PCDHGB4: variants seen among roughly 807,000 people sequenced by gnomAD.
The protein encoded by PCDHGB4 is protocadherin gamma subfamily B, 4, also known as protocadherin gamma-B4.
A neutral mutation model predicts 60.5 loss-of-function variants in PCDHGB4; 38 were observed. That is an observed-to-expected ratio of 0.63 (90% confidence interval 0.48 to 0.82). The LOEUF is 0.82. PCDHGB4 is among the 40% of genes least tolerant of loss of function. The probability of loss-of-function intolerance (pLI) is 0.00; values close to 1 mark genes in which losing one functional copy is unlikely to be tolerated. For synonymous variants in PCDHGB4, 456 were observed against 509.7 expected (o/e 0.89, Z 1.42); for missense variants, 1,109 against 1,209.6 (o/e 0.92, Z 1.23).
intron 1 of PCDHGB4, chr5:141,408,445 C>T (rs759314379): frequency 2.5e-6 from 4 of 1,613,846 alleles, no homozygotes; most frequent in Admixed American, 1.7e-5. Flanking sequence ...ACGCGGAGAG[C>T]GGGGACTTAC....
intron 1 of PCDHGB4, chr5:141,421,405 C>T (rs2096570069): frequency 6.2e-7 from 1 of 1,614,074 alleles, no homozygotes; most frequent in African/African-American, 1.3e-5. Context: ...GCCCCGGGAG[C>T]TGGCGAAGCG....
rs2093964070 is a variant in PCDHGB4, at chr5:141,400,115, G to A, written c.2397+9834G>A. On this transcript the variant is annotated intron_variant, in intron 1 of 3. Coordinates refer to ENST00000519479, the MANE Select transcript of PCDHGB4 (RefSeq NM_003736.4). ...ACGCTGCACTTGGTCTTTGCTGACA[G>A]CTTGCAGGAGGTGCTGCCGGATATC... The A allele has an allele frequency of 1.9e-6, 3 of 1,613,966 alleles. No individual in the cohort carries two copies. The African/African-American group carries it at 4.0e-5, about 22-fold the overall frequency.
intron 1 of PCDHGB4, chr5:141,422,543 T>A: frequency 3.1e-6 from 5 of 1,614,000 alleles, no homozygotes; most frequent in Non-Finnish European, 4.2e-6. Flanking sequence ...GAAACTCATG[T>A]CTGGCTGAAT....
At chr5:141,494,752 T>G (rs889400984) in intron 1 of PCDHGB4, 55 bp from the exon 2 acceptor site, 6 of 1,612,324 alleles carry the variant, frequency 3.7e-6, no homozygotes, top group East Asian at 2.2e-5. Flanking sequence ...GGGGCTCGGG[T>G]GACATTCTAA....
Position 141,431,154 on chromosome 5 carries a change from A to G in PCDHGB4, c.2397+40873A>G, listed in dbSNP as rs754200786. ...AGGGACATTAACGACAATGCGCCTT[A>G]CTTTCGTGAAAGTGAATTAGAAATA... On this transcript the variant is annotated intron_variant, in intron 1 of 3. Coordinates refer to ENST00000519479, the MANE Select transcript of PCDHGB4 (RefSeq NM_003736.4). The surrounding 1 kb of genome is among the most constrained non-coding windows in gnomAD (Gnocchi z 4.8). 1.1e-5 allele frequency: 18 copies of G among 1,614,136 alleles called. No homozygotes were observed. In the East Asian group the frequency reaches 4.0e-4, roughly 36 times the overall value.
chr5:141,428,176 A>G (rs751446929), intron 1 of PCDHGB4: 21 of 1,507,402 alleles, frequency 1.4e-5, no homozygotes, highest in Non-Finnish European at 1.9e-5. Context: ...TGCGTGACGG[A>G]GGACAGCCGC....
chr5:141,410,569 T>C (rs908906606), intron 1 of PCDHGB4: 1 of 1,612,242 alleles, frequency 6.2e-7, no homozygotes, highest in African/African-American at 1.3e-5. Context: ...GAGCCTTAAT[T>C]CCACCTCATG....
Position 141,393,093 on chromosome 5 carries a change from G to A in PCDHGB4, c.2397+2812G>A, listed in dbSNP as rs781611512. On this transcript the variant is annotated intron_variant, in intron 1 of 3. Coordinates refer to ENST00000519479, the MANE Select transcript of PCDHGB4 (RefSeq NM_003736.4). The stretch of plus-strand genomic sequence containing the variant: ...CACCGCGGGCAGGATAGATCGGGAG[G>A]AGCTCTGCGCTCAGAGCCCGCGGTG... 138 of 1,613,502 alleles carry A rather than the reference G, an allele frequency of 8.6e-5. No individual in the cohort carries two copies. The highest frequency in any genetic ancestry group is 1.2e-4 in the Non-Finnish European group (136 of 1,179,914).
chr5:141,469,213 G>A (rs866405809), intron 1 of PCDHGB4, among the ~76,000 whole-genome samples: 21 of 150,912 alleles, frequency 1.4e-4, no homozygotes, highest in African/African-American at 5.1e-4. Flanking sequence ...TGAAGTTGAG[G>A]CTTCAGTGAG....
At chr5:141,495,605 T>G (rs1201224193) in intron 2 of PCDHGB4, among the ~76,000 whole-genome samples, 2 of 152,228 alleles carry the variant, frequency 1.3e-5, no homozygotes, top group African/African-American at 2.4e-5. Context: ...GCTTCCGTCT[T>G]GATTGCTGCA....
intron 1 of PCDHGB4, chr5:141,419,499 G>A: frequency 6.2e-7 from 1 of 1,612,368 alleles, no homozygotes; most frequent in Non-Finnish European, 8.5e-7. Context: ...GCCAATGTGA[G>A]CCTGCGCGTG....
At chr5:141,402,091 G>A (rs1453803021) in intron 1 of PCDHGB4, among the ~76,000 whole-genome samples, 2 of 152,204 alleles carry the variant, frequency 1.3e-5, no homozygotes, top group African/African-American at 4.8e-5. Context: ...TAGCAGAAAA[G>A]TTTAAGCAAT....
chr5:141,497,492 C>G (rs954582026), intron 2 of PCDHGB4, among the ~76,000 whole-genome samples: 1 of 151,628 alleles, frequency 6.6e-6, no homozygotes, highest in Non-Finnish European at 1.5e-5. Flanking sequence ...ACCTCTCTCT[C>G]TCTCCTCTCT....
In PCDHGB4 at chr5:141,487,844, A is replaced by T; in HGVS notation, c.2398-6963A>T. The T allele has an allele frequency of 1.9e-6, 2 of 1,043,194 alleles. No individual in the cohort carries two copies. The highest frequency in any genetic ancestry group is 2.7e-6 in the Non-Finnish European group (2 of 730,908). The allele number at this position is 1,043,194 out of a possible 1,614,324, so 64.6% of individuals were successfully genotyped here. ...CGGGTCATGCCTATATCTGAGTAAG[A>T]AATGAAAGTAATTGGTGATCAAGAG... On this transcript the variant is annotated intron_variant, in intron 1 of 3. Transcript: ENST00000519479. This position sits in a 1 kb window ranked among gnomAD's most constrained non-coding sequence, Gnocchi z 5.0.
At chr5:141,502,547 C>G (rs1340258642) in intron 2 of PCDHGB4, among the ~76,000 whole-genome samples, 2 of 152,156 alleles carry the variant, frequency 1.3e-5, no homozygotes, top group East Asian at 3.8e-4. Context: ...GTGGTAAAAA[C>G]AGTGTCCCAG....
chr5:141,455,897 T>C (rs1330516646), intron 1 of PCDHGB4, among the ~76,000 whole-genome samples: 1 of 149,800 alleles, frequency 6.7e-6, no homozygotes, highest in African/African-American at 2.4e-5. Flanking sequence ...ATTTATTTAT[T>C]TATTTATTTA....
intron 2 of PCDHGB4, among the ~76,000 whole-genome samples, chr5:141,504,211 A>G (rs2099836609): frequency 6.6e-6 from 1 of 152,218 alleles, no homozygotes. Flanking sequence ...GGAAAATTCC[A>G]AGTAGAGCTG....
intron 2 of PCDHGB4, among the ~76,000 whole-genome samples, chr5:141,496,230 C>T (rs1336418553): frequency 2.6e-5 from 4 of 152,160 alleles, no homozygotes; most frequent in Admixed American, 2.0e-4. Flanking sequence ...AGACAGGAAC[C>T]CCCTGCGGGC....
chr5:141,426,589 T>G (rs2096945227), intron 1 of PCDHGB4: 1 of 369,180 alleles, frequency 2.7e-6, no homozygotes, highest in South Asian at 2.0e-5. Context: ...ATCCTCTGTG[T>G]CATACCCTTA....
Sources: gnomAD v4.1 joint callset for allele counts (sites outside exome capture counted in the v4.1 genomes callset) on GRCh38, gnomAD v4.1.1 for gene constraint, Gnocchi (gnomAD v3.1) non-coding constraint, MANE v1.5 for transcripts, NCBI Gene and HGNC (gene_info 2026-07-23, HGNC 2026-07-21) for gene names.